TMEM117: variants seen among roughly 807,000 people sequenced by gnomAD.
TMEM117 encodes the protein transmembrane protein 117.
In TMEM117, 27 loss-of-function variants were observed where a neutral mutation model predicts 52.4. That is an observed-to-expected ratio of 0.51 (90% CI 0.38 to 0.71). The LOEUF (loss-of-function observed/expected upper bound fraction) is 0.71, where lower values mean the gene tolerates loss of function less well. Among genes scored for constraint, TMEM117 ranks in the 30% least tolerant of loss-of-function variants. The pLI, the probability that TMEM117 is intolerant of heterozygous loss-of-function variation, is 0.00. For synonymous variants in TMEM117, 215 were observed against 206.3 expected (o/e 1.04, Z -0.36); for missense variants, 556 against 630.5 (o/e 0.88, Z 1.26).
intron 3 of TMEM117, among the ~76,000 whole-genome samples, chr12:44,025,283 C>T (rs542502423): frequency 3.3e-5 from 5 of 152,240 alleles, no homozygotes; most frequent in East Asian, 1.9e-4. Context: ...AATCACCATA[C>T]GCAGCGGGTG....
At position 43,856,488 on chromosome 12, in the gene TMEM117, A is replaced by T. The variant is rs11182302; in HGVS notation, c.277+11560A>T. Among the ~76,000 whole-genome samples the T allele has an allele frequency of 9.7e-4, 148 of 152,290 alleles. 1 individual carries two copies. The East Asian group carries it at 0.025, about 25-fold the overall frequency. On this transcript the variant is annotated intron_variant, in intron 2 of 7. Coordinates refer to ENST00000266534, the MANE Select transcript of TMEM117 (RefSeq NM_032256.3). ...AAGGAATTTAAAAAAGCAGTTCCTC[A>T]TGTCTATCACTATGAAACAGTCCCT...
intron 5 of TMEM117, among the ~76,000 whole-genome samples, chr12:44,274,261 C>G (rs1263533769): frequency 6.6e-6 from 1 of 151,924 alleles, no homozygotes; most frequent in Admixed American, 6.6e-5. Context: ...AGTGAAAGAA[C>G]TTAGTAATGA....
intron 4 of TMEM117, among the ~76,000 whole-genome samples, chr12:44,163,024 C>T (rs183071232): frequency 8.5e-4 from 130 of 152,282 alleles, no homozygotes; most frequent in African/African-American, 2.9e-3. Context: ...GTTCTTCTGC[C>T]TCACTTAAGT....
In TMEM117 at chr12:44,299,672, G is replaced by C. The variant is rs1477042503; in HGVS notation, c.701G>C (p.Ser234Thr). 1 of 1,614,104 alleles carries C rather than the reference G, an allele frequency of 6.2e-7. No individual in the cohort carries two copies. The highest frequency in any genetic ancestry group is 8.5e-7 in the Non-Finnish European group (1 of 1,180,042). Reference sequence around the variant, plus strand: ...AAGCTGAATCGGGGATTTTTGCCCAGTGATGAAGTTTCCAGAGCATTCCTT... The same window carrying C: ...AAGCTGAATCGGGGATTTTTGCCCACTGATGAAGTTTCCAGAGCATTCCTT... ...WDKLNRGFLP[S>T]DEVSRAFLAS... is the part of the protein sequence containing the mutation. The change falls in exon 6 of 8, where the codon AGT becomes ACT. Residue 234 changes from serine (S) to threonine (T), a missense_variant. Ser to Thr is a moderately conservative substitution (Grantham distance 58). Transcript: ENST00000266534.
At chr12:44,241,090 C>T (rs1349390815) in intron 5 of TMEM117, among the ~76,000 whole-genome samples, 8 of 151,948 alleles carry the variant, frequency 5.3e-5, no homozygotes, top group Admixed American at 5.3e-4. Flanking sequence ...GCATATAACC[C>T]ATGCACATCC....
chr12:43,993,610 T>C (rs1443392579), intron 3 of TMEM117, among the ~76,000 whole-genome samples: 1 of 152,052 alleles, frequency 6.6e-6, no homozygotes, highest in Admixed American at 6.6e-5. Flanking sequence ...GAAAAAAACA[T>C]CACTATGTAT....
chr12:43,894,518 C>T (rs1339094449), intron 2 of TMEM117, among the ~76,000 whole-genome samples: 5 of 151,846 alleles, frequency 3.3e-5, no homozygotes, highest in Admixed American at 1.3e-4. Context: ...AAGCCTGGAA[C>T]GTACTAGTTA....
chr12:44,208,980 G>A (rs928025989), intron 4 of TMEM117, among the ~76,000 whole-genome samples: 2 of 151,932 alleles, frequency 1.3e-5, no homozygotes, highest in African/African-American at 4.8e-5. Context: ...TTCTGGAACA[G>A]GATAAATATT....
chr12:44,083,146 A>G (rs1251072078), intron 3 of TMEM117, among the ~76,000 whole-genome samples: 1 of 152,154 alleles, frequency 6.6e-6, no homozygotes, highest in Non-Finnish European at 1.5e-5. Flanking sequence ...TAGTGTAAAC[A>G]TCTTCCTTTA....
the TMEM117 span, chr12:43,806,321 G>C: frequency 1.5e-6 from 2 of 1,344,822 alleles, no homozygotes; most frequent in South Asian, 1.9e-5. Flanking sequence ...GGAAGTGGCT[G>C]CTCCTCCGCC....
At position 43,856,801 on chromosome 12, in the gene TMEM117, A is replaced by G. The variant is rs867434836; in HGVS notation, c.277+11873A>G. Among the ~76,000 whole-genome samples the G allele has an allele frequency of 2.6e-5, 4 of 152,228 alleles. No homozygotes were observed. The South Asian group carries it at 8.3e-4, about 32-fold the overall frequency. On this transcript the variant is annotated intron_variant, in intron 2 of 7. Coordinates refer to ENST00000266534, the MANE Select transcript of TMEM117 (RefSeq NM_032256.3). ...TTCAGTTTTTATATATCACAAATCT[A>G]TGAACACTCATGAAAAAAAAATAAA...
chr12:44,275,235 G>C (rs2138578847), intron 5 of TMEM117, among the ~76,000 whole-genome samples: 1 of 152,184 alleles, frequency 6.6e-6, no homozygotes, highest in South Asian at 2.1e-4. Context: ...ATGCAAATCA[G>C]AACTGCAGTG....
chr12:43,923,919 AAC>A (rs1283457576), intron 2 of TMEM117, among the ~76,000 whole-genome samples: 1 of 152,186 alleles, frequency 6.6e-6, no homozygotes, highest in Non-Finnish European at 1.5e-5. Flanking sequence ...TCAGGAAGGA[AAC>A]ACAATTTATA....
chr12:43,906,460 C>T (rs1281118263), intron 2 of TMEM117, among the ~76,000 whole-genome samples: 2 of 62,586 alleles, frequency 3.2e-5, no homozygotes, highest in East Asian at 9.0e-4. Flanking sequence ...GAGACGCTGT[C>T]TCAAAAAAAA....
At chr12:44,154,895 C>T (rs1203555919) in intron 4 of TMEM117, among the ~76,000 whole-genome samples, 1 of 151,748 alleles carries the variant, frequency 6.6e-6, no homozygotes, top group African/African-American at 2.4e-5. Flanking sequence ...TGCTATCTTT[C>T]TAAAATTGGT....
intron 2 of TMEM117, among the ~76,000 whole-genome samples, chr12:43,869,090 C>T (rs1038977595): frequency 2.6e-5 from 4 of 151,786 alleles, no homozygotes; most frequent in African/African-American, 4.8e-5. Context: ...AATCCACTAA[C>T]GAAATATAAT....
At chr12:44,064,593 C>T (rs1047489695) in intron 3 of TMEM117, among the ~76,000 whole-genome samples, 1 of 151,930 alleles carries the variant, frequency 6.6e-6, no homozygotes, top group African/African-American at 2.4e-5. Context: ...AGTATAATGA[C>T]TCGTGATTAA....
chr12:43,997,474 A>G (rs918536824), intron 3 of TMEM117, among the ~76,000 whole-genome samples: 3 of 152,156 alleles, frequency 2.0e-5, no homozygotes, highest in African/African-American at 7.2e-5. Flanking sequence ...AGTTCAGACT[A>G]CATATTTAAC....
intron 3 of TMEM117, among the ~76,000 whole-genome samples, chr12:44,031,415 C>T (rs1255443182): frequency 6.6e-6 from 1 of 152,062 alleles, no homozygotes; most frequent in Non-Finnish European, 1.5e-5. Context: ...GGTTTATAGT[C>T]AGGTATAGGA....
Sources: allele counts gnomAD v4.1 joint callset (sites outside exome capture counted in the v4.1 genomes callset), GRCh38; gene constraint gnomAD v4.1.1; transcripts MANE v1.5; gene names NCBI Gene and HGNC (gene_info 2026-07-23, HGNC 2026-07-21).